Variants in MTHFD1L observed in about 807,000 individuals in gnomAD.
MTHFD1L encodes the protein monofunctional C1-tetrahydrofolate synthase, mitochondrial.
MTHFD1L carries 81 observed loss-of-function variants against 119.5 expected under a neutral mutation model. That is an observed-to-expected ratio of 0.68 (90% confidence interval 0.57 to 0.82). MTHFD1L has a LOEUF of 0.82. MTHFD1L is among the 40% of genes least tolerant of loss of function. The pLI, the probability that MTHFD1L is intolerant of heterozygous loss-of-function variation, is 0.00. For missense variants in MTHFD1L, 1,125 were observed against 1,253.4 expected (o/e 0.90, Z 1.55); for synonymous variants, 430 against 475.2 (o/e 0.90, Z 1.24).
intron 26 of MTHFD1L, among the ~76,000 whole-genome samples, chr6:151,067,472 C>T (rs892978690): frequency 1.1e-4 from 16 of 151,830 alleles, no homozygotes; most frequent in African/African-American, 1.7e-4. Context: ...TCCAGGTGTG[C>T]GCCACCACAC....
chr6:151,074,190 G>A lies in MTHFD1L; in HGVS notation c.2848-18277G>A, dbSNP rs376796664. On this transcript the variant is annotated intron_variant, in intron 26 of 27. Coordinates refer to ENST00000367321, the MANE Select transcript of MTHFD1L (RefSeq NM_015440.5). ...AGACTATTTTAGACACGTAAAAGCTGAAAAAATTCATCACTAGCTAACCTG... is the reference window on the plus strand; with the variant it reads ...AGACTATTTTAGACACGTAAAAGCTAAAAAAATTCATCACTAGCTAACCTG... Among the ~76,000 whole-genome samples, 321 of 152,256 alleles carry A rather than the reference G, an allele frequency of 2.1e-3. 1 individual carries two copies. The highest frequency in any genetic ancestry group is 7.2e-3 in the African/African-American group (301 of 41,550).
intron 16 of MTHFD1L, among the ~76,000 whole-genome samples, chr6:150,952,676 T>A (rs1795026170): frequency 6.6e-6 from 1 of 152,228 alleles, no homozygotes; most frequent in Non-Finnish European, 1.5e-5. Flanking sequence ...ACTACAGGCA[T>A]GCGCCACCAT....
At chr6:151,054,217 A>G (rs1293920165) in intron 26 of MTHFD1L, among the ~76,000 whole-genome samples, 1 of 152,178 alleles carries the variant, frequency 6.6e-6, no homozygotes, top group Non-Finnish European at 1.5e-5. Context: ...GAAGTATTTC[A>G]GACAGAAAAA....
rs539942751 is a variant in MTHFD1L, at chr6:151,065,746, G to T, written c.2848-26721G>T. Among the ~76,000 whole-genome samples the T allele has an allele frequency of 2.6e-5, 4 of 152,332 alleles. No homozygotes were observed. In the South Asian group the frequency reaches 8.3e-4, roughly 32 times the overall value. ...CCACCACTGTGCCCAGCCAGGGTGT[G>T]GCCATACATGCCCATCCTGTGCATA... On this transcript the variant is annotated intron_variant, in intron 26 of 27. Coordinates refer to ENST00000367321, the MANE Select transcript of MTHFD1L (RefSeq NM_015440.5).
rs551926439 is a variant in MTHFD1L, at chr6:150,922,672, C to T, written c.1082+370C>T. Reference sequence around the variant, plus strand: ...CTTTTTTTTTTTTTTGAGATGGAGTCTTGCTCTGTTGCCCAGGCTAGAGTG... The same window carrying T: ...CTTTTTTTTTTTTTTGAGATGGAGTTTTGCTCTGTTGCCCAGGCTAGAGTG... On this transcript the variant is annotated intron_variant, in intron 10 of 27. Coordinates refer to ENST00000367321, the MANE Select transcript of MTHFD1L (RefSeq NM_015440.5). Among the ~76,000 whole-genome samples, 87 of 114,946 alleles carry T rather than the reference C, an allele frequency of 7.6e-4. No homozygotes were observed. In the Middle Eastern group the frequency reaches 0.025, roughly 33 times the overall value. 75.4% of individuals were successfully genotyped at this position (114,946 alleles called of 152,430 possible).
chr6:151,070,730 G>C (rs1402660126), intron 26 of MTHFD1L, among the ~76,000 whole-genome samples: 1 of 152,206 alleles, frequency 6.6e-6, no homozygotes, highest in Non-Finnish European at 1.5e-5. Flanking sequence ...GGCCAGATTT[G>C]CTGTGTGGGT....
chr6:150,866,308 C>T (rs1245681896), intron 1 of MTHFD1L: 6 of 1,466,730 alleles, frequency 4.1e-6, no homozygotes, highest in Non-Finnish European at 5.4e-6. Flanking sequence ...GGGCGCCTAG[C>T]GGCATGGACC....
chr6:150,918,717 A>G (rs375286878), intron 9 of MTHFD1L, 49 bp downstream of exon 9: 14 of 1,472,830 alleles, frequency 9.5e-6, no homozygotes, highest in Non-Finnish European at 1.3e-5. Context: ...AAGTTTGATT[A>G]ATAGTTGCTA....
At chr6:151,025,352 G>A (rs1443361736) in intron 24 of MTHFD1L, among the ~76,000 whole-genome samples, 2 of 152,240 alleles carry the variant, frequency 1.3e-5, no homozygotes, top group Non-Finnish European at 2.9e-5. Flanking sequence ...TCAGTAACAA[G>A]GGCAGAGCCG....
chr6:151,088,079 G>T (rs898591628), intron 26 of MTHFD1L: 1 of 152,178 alleles, frequency 6.6e-6, no homozygotes, highest in South Asian at 2.1e-4. Flanking sequence ...TGTATGTCTG[G>T]GGGGGTGACA....
At chr6:151,098,814 ATC>A (rs1476077567) in intron 27 of MTHFD1L, among the ~76,000 whole-genome samples, 9 of 152,182 alleles carry the variant, frequency 5.9e-5, no homozygotes, top group Admixed American at 4.6e-4. Context: ...TAGCTATTGC[ATC>A]TCTGATTGTT....
intron 4 of MTHFD1L, among the ~76,000 whole-genome samples, chr6:150,880,701 T>C (rs1388553792): frequency 3.3e-5 from 5 of 152,236 alleles, no homozygotes. Context: ...AATGGCTATA[T>C]TAATCTGCAT....
At chr6:150,974,632 T>C (rs1215306773) in intron 20 of MTHFD1L, among the ~76,000 whole-genome samples, 3 of 152,132 alleles carry the variant, frequency 2.0e-5, no homozygotes, top group African/African-American at 7.2e-5. Context: ...AGTGGAATCA[T>C]GTAGTATTTG....
chr6:151,100,675 T>C (rs952848963), intron 27 of MTHFD1L, among the ~76,000 whole-genome samples: 6 of 152,024 alleles, frequency 3.9e-5, no homozygotes, highest in Non-Finnish European at 8.8e-5. Flanking sequence ...TTTATTTCTC[T>C]TTCTAAGAGA....
intron 26 of MTHFD1L, among the ~76,000 whole-genome samples, chr6:151,085,005 GTATATATTTATATA>G (rs1410331658): frequency 0.043 from 5,489 of 128,512 alleles, 154 homozygotes; most frequent in Middle Eastern, 0.075. Flanking sequence ...ATATATATAT[GTATATATTTATATA>G]TGTATATACA....
intron 26 of MTHFD1L, chr6:151,057,392 A>C (rs117171146): frequency 1.0e-6 from 1 of 973,292 alleles, no homozygotes; most frequent in Non-Finnish European, 1.2e-6. Context: ...TGTAATCCCA[A>C]CATTTTGGGA....
intron 19 of MTHFD1L, among the ~76,000 whole-genome samples, chr6:150,965,582 A>G (rs1250061439): frequency 6.6e-6 from 1 of 150,844 alleles, no homozygotes; most frequent in Non-Finnish European, 1.5e-5. Flanking sequence ...AATCGCTTGA[A>G]CCCGGGAGGC....
intron 8 of MTHFD1L, among the ~76,000 whole-genome samples, chr6:150,915,685 C>T (rs1038860328): frequency 1.6e-4 from 25 of 152,192 alleles, no homozygotes; most frequent in African/African-American, 6.0e-4. Context: ...ACTGCAGCCT[C>T]TGGGTCCCGA....
intron 1 of MTHFD1L, 40 bp downstream of exon 1, chr6:150,866,089 C>A: frequency 6.8e-7 from 1 of 1,479,842 alleles, no homozygotes; most frequent in South Asian, 1.3e-5. Flanking sequence ...TCTCCAGCGG[C>A]TGTGGCCCCG....
Sources: allele counts gnomAD v4.1 joint callset (sites outside exome capture counted in the v4.1 genomes callset), GRCh38; gene constraint gnomAD v4.1.1; transcripts MANE v1.5; gene names NCBI Gene and HGNC (gene_info 2026-07-23, HGNC 2026-07-21).